EYS: variants seen among roughly 807,000 people sequenced by gnomAD.
EYS encodes protein eyes shut homolog.
In EYS, 250 loss-of-function variants were observed where a neutral mutation model predicts 282.1. That is an observed-to-expected ratio of 0.89 (90% CI 0.80 to 0.98). The LOEUF is 0.98. EYS is among the 50% of genes least tolerant of loss of function. The probability of loss-of-function intolerance (pLI) is 0.00; values close to 1 mark genes in which losing one functional copy is unlikely to be tolerated. For synonymous variants in EYS, 1,355 were observed against 1,282.9 expected (o/e 1.06, Z -1.20); for missense variants, 4,016 against 3,709.0 (o/e 1.08, Z -2.15).
chr6:64,007,873 G>A (rs767646135), intron 33 of EYS, among the ~76,000 whole-genome samples: 7 of 152,076 alleles, frequency 4.6e-5, no homozygotes, highest in Non-Finnish European at 1.0e-4. Flanking sequence ...GGTTTTGGTT[G>A]TTTAAATTTG....
At chr6:65,639,968 A>G (rs1767221492) in intron 1 of EYS, 76 bp from the exon 2 acceptor site, 1 of 152,176 alleles carries the variant, frequency 6.6e-6, no homozygotes, top group South Asian at 2.1e-4. Flanking sequence ...CCCACATCTT[A>G]TGGAGGGATA....
chr6:64,701,746 T>C (rs79106329), intron 22 of EYS, among the ~76,000 whole-genome samples: 224 of 152,060 alleles, frequency 1.5e-3, no homozygotes, highest in African/African-American at 5.2e-3. Flanking sequence ...ACAATGTAAG[T>C]TATTCAGGTA....
intron 1 of EYS, among the ~76,000 whole-genome samples, chr6:65,687,133 G>T (rs1769051010): frequency 6.6e-6 from 1 of 151,956 alleles, no homozygotes; most frequent in Non-Finnish European, 1.5e-5. Context: ...TTGAAACCAA[G>T]AAATATTCAG....
At chr6:64,978,580 T>C (rs1234515355) in intron 14 of EYS, among the ~76,000 whole-genome samples, 1 of 151,924 alleles carries the variant, frequency 6.6e-6, no homozygotes, top group Non-Finnish European at 1.5e-5. Flanking sequence ...ATTTAAGAAA[T>C]ACAATTCATA....
chr6:64,231,142 G>T (rs1766415457), intron 30 of EYS, among the ~76,000 whole-genome samples: 1 of 152,120 alleles, frequency 6.6e-6, no homozygotes, highest in Admixed American at 6.6e-5. Context: ...CTAAGATCAA[G>T]AATTAGGTCA....
chr6:63,974,251 C>T (rs1766725204), intron 35 of EYS, among the ~76,000 whole-genome samples: 4 of 151,856 alleles, frequency 2.6e-5, no homozygotes, highest in Admixed American at 2.6e-4. Flanking sequence ...TGAATTCAAT[C>T]TATAAGTGGT....
At position 65,384,416 on chromosome 6, in the gene EYS, T is replaced by C. The variant is rs1264886780; in HGVS notation, c.1269A>G (p.Glu423=). The C allele has an allele frequency of 3.1e-6, 5 of 1,607,666 alleles. No homozygotes were observed. Among genetic ancestry groups the C allele is most frequent in the Non-Finnish European group, 4.3e-6 (5 of 1,176,004 alleles). Residue 423 remains glutamate (E), a synonymous_variant, in exon 8 of 43, where the codon GAA becomes GAG. Transcript: ENST00000503581. Reference sequence around the variant, plus strand: ...ATCTTCCAATTATATTGAAACACCATTCTTCATTCAGACAGTTGATGCTGA... The same window carrying C: ...ATCTTCCAATTATATTGAAACACCACTCTTCATTCAGACAGTTGATGCTGA... ...KLLSINCLNE[E]WCFNIIGRFK... is the part of the protein sequence containing the mutation.
In EYS at chr6:64,155,755, C is replaced by T. The variant is rs1774894990; in HGVS notation, c.6425-73753G>A. On this transcript the variant is annotated intron_variant, in intron 31 of 42. Transcript: ENST00000503581. ...TTATTTAAAATGTGTATATTTTATT[C>T]ATCACAGATTGTTGGATTTTGATTT... Among the ~76,000 whole-genome samples, 5 of 152,194 alleles carry T rather than the reference C, an allele frequency of 3.3e-5. No individual in the cohort carries two copies. In the South Asian group the frequency reaches 1.0e-3, roughly 32 times the overall value.
At chr6:64,197,810 C>G (rs1024512292) in intron 31 of EYS, among the ~76,000 whole-genome samples, 20 of 150,622 alleles carry the variant, frequency 1.3e-4, no homozygotes, top group Admixed American at 1.3e-3. Flanking sequence ...TTCTTTACAC[C>G]TTTATTTTTA....
chr6:64,408,192 A>G (rs965433810), intron 28 of EYS, among the ~76,000 whole-genome samples: 4 of 152,098 alleles, frequency 2.6e-5, no homozygotes, highest in African/African-American at 9.6e-5. Context: ...TAAATAAATA[A>G]TAATAAATAA....
chr6:64,554,826 C>T (rs1765188854), intron 26 of EYS, among the ~76,000 whole-genome samples: 1 of 151,950 alleles, frequency 6.6e-6, no homozygotes, highest in South Asian at 2.1e-4. Context: ...CACTCCTCAG[C>T]TCCTCACAGC....
At chr6:64,332,539 C>T (rs1230539919) in intron 29 of EYS, among the ~76,000 whole-genome samples, 1 of 152,094 alleles carries the variant, frequency 6.6e-6, no homozygotes, top group Non-Finnish European at 1.5e-5. Context: ...GGTATCACAC[C>T]TTGGGTTCAT....
intron 22 of EYS, among the ~76,000 whole-genome samples, chr6:64,651,245 TA>T (rs1167057146): frequency 1.3e-5 from 2 of 152,206 alleles, no homozygotes; most frequent in African/African-American, 2.4e-5. Context: ...GAAAAAAGAC[TA>T]AATAGTTGCC....
At chr6:65,124,303 G>C (rs549474685) in intron 12 of EYS, among the ~76,000 whole-genome samples, 1 of 152,222 alleles carries the variant, frequency 6.6e-6, no homozygotes, top group Non-Finnish European at 1.5e-5. Flanking sequence ...TTGTCACATT[G>C]AGAAAATTTA....
chr6:64,806,837 C>G (rs940232540), intron 22 of EYS, among the ~76,000 whole-genome samples: 96 of 152,056 alleles, frequency 6.3e-4, no homozygotes, highest in African/African-American at 2.2e-3. Context: ...ATGCCTGGAA[C>G]AGGGTTTCAC....
intron 41 of EYS, among the ~76,000 whole-genome samples, chr6:63,738,233 C>T (rs1357210068): frequency 6.6e-6 from 1 of 152,170 alleles, no homozygotes; most frequent in African/African-American, 2.4e-5. Flanking sequence ...CATGCCATTA[C>T]TGGGTATATA....
In EYS at chr6:64,267,406, T is replaced by C. The variant is rs187325975; in HGVS notation, c.6192-36582A>G. On this transcript the variant is annotated intron_variant, in intron 30 of 42. Coordinates refer to ENST00000503581, the MANE Select transcript of EYS (RefSeq NM_001142800.2). ...CTCTCCCACCCATACTTCACCTCTCTTCCTAGCCATGTGTTCTGTCTGCTG... is the reference window on the plus strand; with the variant it reads ...CTCTCCCACCCATACTTCACCTCTCCTCCTAGCCATGTGTTCTGTCTGCTG... 1.4e-4 allele frequency among the ~76,000 whole-genome samples: 22 copies of C among 152,204 alleles called. 1 individual carries two copies. The East Asian group carries it at 3.7e-3, about 25-fold the overall frequency.
chr6:64,098,272 C>CCA (rs1772702740), intron 31 of EYS, among the ~76,000 whole-genome samples: 1 of 152,002 alleles, frequency 6.6e-6, no homozygotes, highest in Non-Finnish European at 1.5e-5. Context: ...CATTAATAGA[C>CCA]TATCAAAAGT....
At chr6:65,636,046 C>T (rs6904116) in intron 2 of EYS, among the ~76,000 whole-genome samples, 152,259 of 152,344 alleles carry the variant, frequency 1, 76,087 homozygotes, top group Middle Eastern at 1. Flanking sequence ...AACTTTTCTT[C>T]AGTGCAATGC....
Sources: allele counts gnomAD v4.1 joint callset (sites outside exome capture counted in the v4.1 genomes callset), GRCh38; gene constraint gnomAD v4.1.1; transcripts MANE v1.5; gene names NCBI Gene and HGNC (gene_info 2026-07-23, HGNC 2026-07-21).